The following NALF1 variants were observed in gnomAD, a reference collection of about 807,000 sequenced individuals.
The protein encoded by NALF1 is family with sequence similarity 155 member A.
In NALF1, 3 loss-of-function variants were observed where a neutral mutation model predicts 48.4. The observed-to-expected ratio is 0.06, with a 90% confidence interval of 0.03 to 0.16. NALF1 has a LOEUF of 0.16. Among genes scored for constraint, NALF1 ranks in the 10% least tolerant of loss-of-function variants. NALF1 has a pLI of 1.00. For synonymous variants in NALF1, 262 were observed against 245.7 expected (o/e 1.07, Z -0.62); for missense variants, 526 against 571.5 (o/e 0.92, Z 0.81).
intron 1 of NALF1, among the ~76,000 whole-genome samples, chr13:107,269,074 G>A (rs1412587237): frequency 6.6e-6 from 1 of 151,690 alleles, no homozygotes; most frequent in Admixed American, 6.6e-5. Context: ...GAGGTGGGAG[G>A]ATGGTTTGAA....
chr13:107,508,650 G>GT (rs1463482856), intron 1 of NALF1, among the ~76,000 whole-genome samples: 1 of 151,960 alleles, frequency 6.6e-6, no homozygotes, highest in Non-Finnish European at 1.5e-5. Flanking sequence ...AATTCAAGTT[G>GT]TTTTTTCTTG....
chr13:107,310,453 T>G (rs1203806260), intron 1 of NALF1, among the ~76,000 whole-genome samples: 1 of 144,564 alleles, frequency 6.9e-6, no homozygotes, highest in South Asian at 2.2e-4. Context: ...ATTGAAAAAA[T>G]AAGTAGTTTT....
intron 1 of NALF1, among the ~76,000 whole-genome samples, chr13:107,318,441 G>C (rs1238302532): frequency 2.0e-5 from 3 of 152,086 alleles, no homozygotes. Context: ...GCCATGTTAT[G>C]AGTACCACTT....
At chr13:107,255,713 G>A (rs896681646) in intron 1 of NALF1, among the ~76,000 whole-genome samples, 1 of 152,104 alleles carries the variant, frequency 6.6e-6, no homozygotes, top group African/African-American at 2.4e-5. Flanking sequence ...AGCCTTTAAT[G>A]TTGTTATTAT....
At chr13:107,303,734 A>C (rs950110236) in intron 1 of NALF1, among the ~76,000 whole-genome samples, 1 of 152,176 alleles carries the variant, frequency 6.6e-6, no homozygotes, top group Non-Finnish European at 1.5e-5. Context: ...TCTCTTCAAG[A>C]AAATTTTTTT....
intron 1 of NALF1, among the ~76,000 whole-genome samples, chr13:107,814,367 C>A (rs1211461271): frequency 6.6e-6 from 1 of 152,094 alleles, no homozygotes; most frequent in Admixed American, 6.6e-5. Context: ...CCATCCAGGT[C>A]CTGGAAGAGA....
intron 1 of NALF1, among the ~76,000 whole-genome samples, chr13:107,597,746 TTGC>T (rs1174315078): frequency 6.6e-6 from 1 of 152,136 alleles, no homozygotes; most frequent in African/African-American, 2.4e-5. Context: ...AAAATCACTT[TTGC>T]TGCTAATTGT....
chr13:107,364,646 A>G (rs1235129584), intron 1 of NALF1, among the ~76,000 whole-genome samples: 1 of 152,140 alleles, frequency 6.6e-6, no homozygotes, highest in East Asian at 1.9e-4. Context: ...GAACAAAGAA[A>G]TAAGTGATTG....
chr13:107,532,305 G>C (rs1185926356), intron 1 of NALF1, among the ~76,000 whole-genome samples: 1 of 152,042 alleles, frequency 6.6e-6, no homozygotes, highest in Non-Finnish European at 1.5e-5. Flanking sequence ...CTAATAATCA[G>C]TATTAAAGAA....
intron 1 of NALF1, among the ~76,000 whole-genome samples, chr13:107,831,648 A>T (rs1156408043): frequency 6.6e-6 from 1 of 152,234 alleles, no homozygotes; most frequent in Non-Finnish European, 1.5e-5. Flanking sequence ...CTTCTGAGAA[A>T]GGTGATTATA....
chr13:107,533,357 C>T lies in NALF1; in HGVS notation c.916-322602G>A, dbSNP rs535571151. 6.6e-5 allele frequency among the ~76,000 whole-genome samples: 10 copies of T among 152,168 alleles called. No individual in the cohort carries two copies. The South Asian group carries it at 2.1e-3, about 32-fold the overall frequency. Reference sequence around the variant, plus strand: ...GTGACAGCATTGAAAGACAGGGCCCCTGGAAGGTGATTAGGTCATGAGGCT... The same window carrying T: ...GTGACAGCATTGAAAGACAGGGCCCTTGGAAGGTGATTAGGTCATGAGGCT... On this transcript the variant is annotated intron_variant, in intron 1 of 2. Transcript: ENST00000375915.
intron 1 of NALF1, among the ~76,000 whole-genome samples, chr13:107,256,729 T>C (rs1458093978): frequency 6.6e-6 from 1 of 152,232 alleles, no homozygotes; most frequent in Non-Finnish European, 1.5e-5. Flanking sequence ...TGTTTGTCAG[T>C]TGCAACTACG....
At chr13:107,179,878 G>T (rs747102652) in intron 2 of NALF1, among the ~76,000 whole-genome samples, 27 of 141,232 alleles carry the variant, frequency 1.9e-4, no homozygotes, top group South Asian at 1.3e-3. Context: ...TCCCCACGTG[G>T]CCTTCCCTAC....
At chr13:107,693,687 A>G (rs1881628249) in intron 1 of NALF1, among the ~76,000 whole-genome samples, 1 of 151,718 alleles carries the variant, frequency 6.6e-6, no homozygotes, top group African/African-American at 2.4e-5. Context: ...AGTACTTTCT[A>G]CTATATCGCC....
intron 1 of NALF1, among the ~76,000 whole-genome samples, chr13:107,682,588 G>C (rs1002490308): frequency 1.3e-5 from 2 of 152,082 alleles, no homozygotes; most frequent in African/African-American, 2.4e-5. Flanking sequence ...GCTGTCTTGT[G>C]ATTCCACTCT....
intron 1 of NALF1, among the ~76,000 whole-genome samples, chr13:107,238,019 A>T (rs1880389425): frequency 6.6e-6 from 1 of 152,204 alleles, no homozygotes; most frequent in South Asian, 2.1e-4. Context: ...TAAGGGACAC[A>T]TAAACCATGA....
intron 1 of NALF1, among the ~76,000 whole-genome samples, chr13:107,364,807 G>A (rs1364171816): frequency 6.6e-6 from 1 of 151,968 alleles, no homozygotes; most frequent in Admixed American, 6.6e-5. Flanking sequence ...CCTAGGATAA[G>A]GTGATTTTGA....
intron 1 of NALF1, among the ~76,000 whole-genome samples, chr13:107,780,099 T>C (rs1260864997): frequency 2.0e-5 from 3 of 152,036 alleles, no homozygotes; most frequent in Non-Finnish European, 2.9e-5. Flanking sequence ...GGTTGTGTTG[T>C]TGTTATTGCA....
At chr13:107,684,151 G>A (rs575609247) in intron 1 of NALF1, among the ~76,000 whole-genome samples, 3 of 152,164 alleles carry the variant, frequency 2.0e-5, no homozygotes, top group Admixed American at 1.3e-4. Flanking sequence ...ACCTCTCAGC[G>A]CTCTGTTTTA....
Sources: allele counts gnomAD v4.1 joint callset (sites outside exome capture counted in the v4.1 genomes callset), GRCh38; gene constraint gnomAD v4.1.1; transcripts MANE v1.5; gene names NCBI Gene and HGNC (gene_info 2026-07-23, HGNC 2026-07-21).